The following CEP95 variants were observed in gnomAD, a reference collection of about 807,000 sequenced individuals.
The protein encoded by CEP95 is centrosomal protein of 95 kDa.
In CEP95, 98 loss-of-function variants were observed where a neutral mutation model predicts 111.2. That is an observed-to-expected ratio of 0.88 (90% CI 0.75 to 1.04). The LOEUF is 1.04. Among genes scored for constraint, CEP95 ranks in the 50% least tolerant of loss-of-function variants. The probability of loss-of-function intolerance (pLI) is 0.00; values close to 1 mark genes in which losing one functional copy is unlikely to be tolerated. For synonymous variants in CEP95, 323 were observed against 327.1 expected (o/e 0.99, Z 0.14); for missense variants, 1,027 against 977.2 (o/e 1.05, Z -0.68).
intron 19 of CEP95, 47 bp downstream of exon 19, chr17:64,537,159 T>C: frequency 1.3e-6 from 2 of 1,593,880 alleles, no homozygotes; most frequent in Non-Finnish European, 1.7e-6. Flanking sequence ...TGGCAATGTT[T>C]CTTTCAGCAA....
intron 18 of CEP95, 140 bp from the exon 19 acceptor site, chr17:64,536,901 G>C (rs1968693866): frequency 8.4e-7 from 1 of 1,187,586 alleles, no homozygotes; most frequent in African/African-American, 1.5e-5. Context: ...TGAAATTTAA[G>C]ATCAAATAAT....
upstream of CEP95, chr17:64,506,777 C>T (rs1039057654): frequency 3.4e-5 from 18 of 528,888 alleles, no homozygotes; most frequent in Admixed American, 1.7e-4. Context: ...GCTCGCACCC[C>T]GGGACCCGCC....
chr17:64,535,119 A>G (rs1968560319), intron 17 of CEP95: 1 of 222,690 alleles, frequency 4.5e-6, no homozygotes, highest in South Asian at 6.1e-5. Flanking sequence ...GGGGTTTTCC[A>G]CAAGGATGAC....
rs201896272 is a variant in CEP95 at position 64,532,865 on chromosome 17, C to T, written c.1699C>T (p.Pro567Ser). 53 of 1,612,776 alleles carry T rather than the reference C, an allele frequency of 3.3e-5. 1 individual carries two copies. Among genetic ancestry groups the T allele is most frequent in the East Asian group, 6.7e-5 (3 of 44,870 alleles). ...PMKVSEHSLL[P>S]LMLEQFPFLY... Reference sequence around the variant, plus strand: ...GAAAGTAAGTGAACACAGTCTCCTGCCCCTTATGCTGGAGCAGTTTCCGTT... The same window carrying T: ...GAAAGTAAGTGAACACAGTCTCCTGTCCCTTATGCTGGAGCAGTTTCCGTT... Residue 567 changes from proline to serine, a missense_variant, in exon 15 of 20, where the codon CCC becomes TCC. Pro to Ser is a moderately conservative substitution (Grantham distance 74). Coordinates refer to ENST00000556440, the MANE Select transcript of CEP95 (RefSeq NM_138363.3).
chr17:64,525,382 T>C (rs75127266), intron 8 of CEP95, among the ~76,000 whole-genome samples: 5,912 of 152,240 alleles, frequency 0.039, 403 homozygotes, highest in African/African-American at 0.14. Context: ...AGAGGTGTTG[T>C]CTTTGTTTTA....
At chr17:64,507,683 C>T in intron 1 of CEP95, 2 of 986,904 alleles carry the variant, frequency 2.0e-6, no homozygotes, top group Non-Finnish European at 2.4e-6. Context: ...GGACTGCGTA[C>T]AAACCAGTTG....
At chr17:64,517,492 TC>T (rs1966959128) in intron 5 of CEP95, among the ~76,000 whole-genome samples, 1 of 152,290 alleles carries the variant, frequency 6.6e-6, no homozygotes, top group Non-Finnish European at 1.5e-5. Context: ...ACTATTTTTT[TC>T]TTTTTTGGAT....
chr17:64,506,959 G>A (rs950991347), upstream of CEP95: 5 of 908,736 alleles, frequency 5.5e-6, no homozygotes, highest in Non-Finnish European at 8.9e-6. Flanking sequence ...TTTAACGTCC[G>A]TCCTTCTTTC....
intron 1 of CEP95, chr17:64,508,075 A>T (rs1217478702): frequency 2.0e-6 from 2 of 985,324 alleles, no homozygotes; most frequent in African/African-American, 3.5e-5. Context: ...TTGTTATTAT[A>T]CCAGTTCTTA....
intron 2 of CEP95, among the ~76,000 whole-genome samples, chr17:64,509,938 A>C (rs1025882821): frequency 6.6e-6 from 1 of 152,056 alleles, no homozygotes; most frequent in Non-Finnish European, 1.5e-5. Context: ...TAAATATTCA[A>C]CCGTATTCAA....
At position 64,536,735 on chromosome 17, in the gene CEP95, A is replaced by C. The variant is rs1555681624; in HGVS notation, c.2204A>C (p.Tyr735Ser). 1 of 1,604,182 alleles carries C rather than the reference A, an allele frequency of 6.2e-7. No homozygotes were observed. Among genetic ancestry groups the C allele is most frequent in the Non-Finnish European group, 8.5e-7 (1 of 1,177,340 alleles). The change falls in exon 18 of 20, where the codon TAC (tyrosine) becomes TCC (serine). Residue 735 changes from tyrosine (Y) to serine (S), a missense_variant. Transcript: ENST00000556440. ...GATGAACTGGACTCCATGGAGAACT[A>C]CTATAAGGACCAGGTGGGCTCCTGG... ...HQDELDSMEN[Y>S]YKDQFSLLAE...
chr17:64,531,739 A>C, intron 13 of CEP95, 151 bp from the exon 14 acceptor site: 1 of 501,940 alleles, frequency 2.0e-6, no homozygotes. Context: ...ACCAGATTTT[A>C]CAAATTTGAA....
At position 64,533,198 on chromosome 17, in the gene CEP95, C is replaced by T. The variant is rs782125861; in HGVS notation, c.1917+7C>T. On this transcript the variant is annotated splice_region_variant and intron_variant, in intron 16 of 19. Coordinates refer to ENST00000556440, the MANE Select transcript of CEP95 (RefSeq NM_138363.3). ...TGAACATAACAAGAGACTGGTATGT[C>T]AAGAGCAAGTTGGGTATTATAATTC... The T allele has an allele frequency of 6.4e-7, 1 of 1,574,218 alleles. No homozygotes were observed. The highest frequency in any genetic ancestry group is 1.2e-5 in the South Asian group (1 of 85,006).
In CEP95 at chr17:64,530,907, A is replaced by T; in HGVS notation, c.1447-19A>T. On this transcript the variant is annotated intron_variant, in intron 12 of 19. Coordinates refer to ENST00000556440, the MANE Select transcript of CEP95 (RefSeq NM_138363.3). The stretch of plus-strand genomic sequence containing the variant: ...TGTATGTTTTTAATAACTGTAATAT[A>T]TGACCTTTTCCCCTTTAGGCGTTTA... The T allele has an allele frequency of 7.0e-7, 1 of 1,434,156 alleles. No individual in the cohort carries two copies. The highest frequency in any genetic ancestry group is 9.5e-7 in the Non-Finnish European group (1 of 1,047,278). The allele number at this position is 1,434,156 out of a possible 1,614,324, so 88.8% of individuals were successfully genotyped here.
Position 64,537,894 on chromosome 17 carries a change from A to G in CEP95, c.*115A>G. On this transcript the variant is annotated 3_prime_UTR_variant, in exon 20 of 20. Transcript: ENST00000556440. ...AATAATTTTCAAATGCTTTACCTGT[A>G]TTTTCATTCCAGTACTTTTTATGAT... is the stretch of plus-strand genomic sequence containing the variant. The G allele has an allele frequency of 4.0e-6, 2 of 504,324 alleles. No individual in the cohort carries two copies. The highest frequency in any genetic ancestry group is 6.4e-6 in the Non-Finnish European group (2 of 313,706). The allele number at this position is 504,324 out of a possible 1,614,324, so 31.2% of individuals were successfully genotyped here.
At chr17:64,537,580 G>T in intron 19 of CEP95, 23 bp from the exon 20 acceptor site, 1 of 1,572,910 alleles carries the variant, frequency 6.4e-7, no homozygotes. Flanking sequence ...TGAACAGCGG[G>T]ATGACATGCC....
chr17:64,507,751 A>G, intron 1 of CEP95: 4 of 985,678 alleles, frequency 4.1e-6, no homozygotes, highest in Non-Finnish European at 4.8e-6. Flanking sequence ...GTGCATGGAA[A>G]ATACACTCTC....
At chr17:64,527,671 C>A (rs186423398) in intron 11 of CEP95, among the ~76,000 whole-genome samples, 3 of 151,932 alleles carry the variant, frequency 2.0e-5, no homozygotes, top group South Asian at 4.1e-4. Context: ...CTGCAACTTG[C>A]GTTTTTTTCT....
intron 2 of CEP95, 150 bp downstream of exon 2, chr17:64,508,870 TACA>T (rs1187218110): frequency 5.6e-6 from 1 of 177,502 alleles, no homozygotes; most frequent in African/African-American, 2.4e-5. Flanking sequence ...TATATTAATA[TACA>T]ATATTAAAAT....
Sources: gnomAD v4.1 joint callset for allele counts (sites outside exome capture counted in the v4.1 genomes callset) on GRCh38, gnomAD v4.1.1 for gene constraint, MANE v1.5 for transcripts, NCBI Gene and HGNC (gene_info 2026-07-23, HGNC 2026-07-21) for gene names.